DEPDC5: variants seen among roughly 807,000 people sequenced by gnomAD.
DEPDC5 encodes DEP domain containing 5, GATOR1 subcomplex subunit.
In DEPDC5, 73 loss-of-function variants were observed where a neutral mutation model predicts 217.3. That is an observed-to-expected ratio of 0.34 (90% CI 0.28 to 0.41). DEPDC5 has a LOEUF of 0.41. Ranked by LOEUF, DEPDC5 falls within the 10% of genes least tolerant of loss-of-function variation. The pLI, the probability that DEPDC5 is intolerant of heterozygous loss-of-function variation, is 1.00. For missense variants in DEPDC5, 1,675 were observed against 2,070.1 expected, an observed-to-expected ratio of 0.81 and a Z score of 3.70; for synonymous variants, 733 against 756.7, an observed-to-expected ratio of 0.97 and a Z score of 0.51.
intron 10 of DEPDC5, among the ~76,000 whole-genome samples, chr22:31,787,385 G>A (rs2085115124): frequency 6.6e-6 from 1 of 152,102 alleles, no homozygotes; most frequent in Non-Finnish European, 1.5e-5. Context: ...GCCTGGCTGG[G>A]AAATTCATAT....
At chr22:31,775,330 C>T (rs1413384980) in intron 7 of DEPDC5, among the ~76,000 whole-genome samples, 2 of 152,072 alleles carry the variant, frequency 1.3e-5, no homozygotes, top group African/African-American at 2.4e-5. Context: ...CAGGCACCTG[C>T]CACCACGCCT....
intron 40 of DEPDC5, among the ~76,000 whole-genome samples, chr22:31,899,589 A>C (rs1403325976): frequency 1.3e-5 from 2 of 152,026 alleles, no homozygotes; most frequent in African/African-American, 4.8e-5. Flanking sequence ...ATGGGATTTC[A>C]CCACGTTGGC....
At chr22:31,874,203 A>T in intron 35 of DEPDC5, 70 bp from the exon 36 acceptor site, 1 of 1,553,024 alleles carries the variant, frequency 6.4e-7, no homozygotes, top group Admixed American at 1.9e-5. Context: ...CTTCTTTTTC[A>T]TCTTTCCTTC....
chr22:31,858,346 AAAG>A (rs67222177), intron 32 of DEPDC5: 20,434 of 152,128 alleles, frequency 0.13, 1,639 homozygotes, highest in African/African-American at 0.23. Flanking sequence ...CAAGTACAAT[AAAG>A]AAGCCAAAAA....
At position 31,784,887 on chromosome 22, in the gene DEPDC5, C is replaced by CT. The variant is rs747064520; in HGVS notation, c.624+14dup. 6.2e-7 allele frequency: 1 copy of CT among 1,608,706 alleles called. No individual in the cohort carries two copies. Among genetic ancestry groups the CT allele is most frequent in the East Asian group, 2.2e-5 (1 of 44,702 alleles). On this transcript the variant is annotated intron_variant, in intron 10 of 42. Transcript: ENST00000651528. ...TTACCAAGTGGAAGGTACATTTCTT[C>CT]TTACACACTAAGTCTCATTATGTAA...
intron 31 of DEPDC5, among the ~76,000 whole-genome samples, chr22:31,849,179 G>C (rs2091898497): frequency 6.6e-6 from 1 of 152,252 alleles, no homozygotes; most frequent in South Asian, 2.1e-4. Context: ...AGCACCCCCA[G>C]ACTGTTCCAA....
chr22:31,888,240 GTTTTTTTTTT>G (rs71184531), intron 38 of DEPDC5, among the ~76,000 whole-genome samples: 1 of 66,352 alleles, frequency 1.5e-5, no homozygotes, highest in South Asian at 7.4e-4. Flanking sequence ...TTTGTCTGTG[GTTTTTTTTTT>G]TTTTTTTTTT....
chr22:31,899,337 C>CTG (rs565505054), intron 40 of DEPDC5, among the ~76,000 whole-genome samples: 247 of 152,174 alleles, frequency 1.6e-3, no homozygotes, highest in Admixed American at 2.6e-3. Context: ...CAAGAGTGTG[C>CTG]TGTGTGTGTG....
intron 20 of DEPDC5, 126 bp from the exon 21 acceptor site, chr22:31,814,866 T>C (rs1029463114): frequency 2.1e-6 from 2 of 946,120 alleles, no homozygotes; most frequent in East Asian, 4.9e-5. Context: ...TTCCCACTTG[T>C]AGATCACACT....
At chr22:31,836,925 T>G in intron 25 of DEPDC5, 47 bp from the exon 26 acceptor site, 1 of 933,768 alleles carries the variant, frequency 1.1e-6, no homozygotes, top group Non-Finnish European at 1.6e-6. Flanking sequence ...CATCCCACAC[T>G]TGCCATGGTG....
At chr22:31,901,067 A>AC (rs573977386) in intron 40 of DEPDC5, among the ~76,000 whole-genome samples, 13 of 152,054 alleles carry the variant, frequency 8.5e-5, no homozygotes, top group African/African-American at 3.1e-4. Flanking sequence ...ACATGGTAAA[A>AC]CCCCGTCTCT....
At chr22:31,771,375 C>T (rs960831085) in intron 7 of DEPDC5, among the ~76,000 whole-genome samples, 2 of 152,040 alleles carry the variant, frequency 1.3e-5, no homozygotes, top group Admixed American at 1.3e-4. Flanking sequence ...CACTTGAGGC[C>T]AGGAGTTCAA....
In DEPDC5 at chr22:31,758,568, C is replaced by T; in HGVS notation, c.81C>T (p.Pro27=). 6.2e-7 allele frequency: 1 copy of T among 1,614,126 alleles called. No individual in the cohort carries two copies. Among genetic ancestry groups the T allele is most frequent in the Non-Finnish European group, 8.5e-7 (1 of 1,180,020 alleles). Residue 27 remains proline, a synonymous_variant, in exon 3 of 43, where the codon CCC becomes CCT. Transcript: ENST00000651528. ...GGSDDELVVN[P]KVFPHIKLGD... is the part of the protein sequence containing the mutation. The stretch of plus-strand genomic sequence containing the variant: ...CAGATGATGAGCTAGTTGTGAACCC[C>T]AAAGTGTTCCCTCACATCAAGCTTG...
chr22:31,765,580 C>T (rs578262072), intron 5 of DEPDC5, among the ~76,000 whole-genome samples: 20 of 152,232 alleles, frequency 1.3e-4, no homozygotes, highest in South Asian at 4.1e-4. Context: ...GGAGCTACCG[C>T]GTCCTGCCTA....
chr22:31,816,071 G>T lies in DEPDC5; in HGVS notation c.1666+859G>T, dbSNP rs575822879. 3.5e-4 allele frequency: 334 copies of T among 962,020 alleles called. 1 individual carries two copies. The South Asian group carries it at 0.014, about 40-fold the overall frequency. 59.6% of individuals were successfully genotyped at this position (962,020 alleles called of 1,614,324 possible). ...TTCCAGCACTTTGGGAGGCCAAGGC[G>T]GGTGGATCACTTGAGGCCAGAAGTT... On this transcript the variant is annotated intron_variant, in intron 21 of 42. Coordinates refer to ENST00000651528, the MANE Select transcript of DEPDC5 (RefSeq NM_001242896.3).
intron 20 of DEPDC5, among the ~76,000 whole-genome samples, chr22:31,811,616 G>A (rs1413977632): frequency 6.8e-6 from 1 of 148,120 alleles, no homozygotes; most frequent in Non-Finnish European, 1.5e-5. Flanking sequence ...GTGTCACGTT[G>A]ACAGCTCACT....
chr22:31,758,127 C>T (rs2082088994), intron 2 of DEPDC5, among the ~76,000 whole-genome samples: 1 of 152,160 alleles, frequency 6.6e-6, no homozygotes, highest in African/African-American at 2.4e-5. Context: ...CACATTAAGA[C>T]ACTGTTTGGG....
intron 21 of DEPDC5, chr22:31,816,410 A>G (rs894253880): frequency 6.8e-6 from 1 of 147,958 alleles, no homozygotes. Flanking sequence ...TTGTTTCTTC[A>G]GTTTCTTTCT....
intron 20 of DEPDC5, among the ~76,000 whole-genome samples, chr22:31,812,197 C>T (rs1159280610): frequency 6.6e-6 from 1 of 151,874 alleles, no homozygotes; most frequent in African/African-American, 2.4e-5. Context: ...ACTGTGTTGG[C>T]CAGGCTGGTC....
Sources: gnomAD v4.1 joint callset for allele counts (sites outside exome capture counted in the v4.1 genomes callset) on GRCh38, gnomAD v4.1.1 for gene constraint, MANE v1.5 for transcripts, NCBI Gene and HGNC (gene_info 2026-07-23, HGNC 2026-07-21) for gene names.